Variants in FLT3 observed in about 807,000 individuals in gnomAD.
FLT3 encodes the protein receptor-type tyrosine-protein kinase FLT3.
A neutral mutation model predicts 126.6 loss-of-function variants in FLT3; 46 were observed. The ratio of observed to expected loss-of-function variants is 0.36; its 90% CI spans 0.29 to 0.46. The LOEUF (loss-of-function observed/expected upper bound fraction) is 0.46, where lower values mean the gene tolerates loss of function less well. Among genes scored for constraint, FLT3 ranks in the 20% least tolerant of loss-of-function variants. FLT3 has a pLI of 1.00. For synonymous variants in FLT3, 404 were observed against 434.4 expected (o/e 0.93, Z 0.87); for missense variants, 1,069 against 1,190.3 (o/e 0.90, Z 1.50).
At position 28,061,513 on chromosome 13, in the gene FLT3, C is replaced by A. The variant is rs368280555; in HGVS notation, c.368+354G>T. ...AGGCGCAGTGACTCACACCTGTAAT[C>A]CCGGTACTTTTGAAGGCTGAGGTGG... On this transcript the variant is annotated intron_variant, in intron 3 of 23. Coordinates refer to ENST00000241453, the MANE Select transcript of FLT3 (RefSeq NM_004119.3). Among the ~76,000 whole-genome samples, 143 of 152,156 alleles carry A rather than the reference C, an allele frequency of 9.4e-4. 6 individuals carry two copies. The South Asian group carries it at 0.029, about 31-fold the overall frequency.
At chr13:28,067,285 A>G (rs1477519537) in intron 2 of FLT3, among the ~76,000 whole-genome samples, 1 of 152,180 alleles carries the variant, frequency 6.6e-6, no homozygotes, top group Non-Finnish European at 1.5e-5. Flanking sequence ...GGCCTCCCAA[A>G]ATGCTGGGAT....
intron 9 of FLT3, among the ~76,000 whole-genome samples, chr13:28,041,831 G>C (rs1346813604): frequency 6.6e-6 from 1 of 152,162 alleles, no homozygotes; most frequent in African/African-American, 2.4e-5. Context: ...CGGTGTCTAA[G>C]AAGATGCGTT....
intron 23 of FLT3, among the ~76,000 whole-genome samples, chr13:28,010,599 C>T (rs1871268970): frequency 6.6e-6 from 1 of 152,210 alleles, no homozygotes. Context: ...GATCTAATCC[C>T]ATTGGTGTTG....
intron 1 of FLT3, among the ~76,000 whole-genome samples, chr13:28,091,686 G>A (rs1021263992): frequency 6.6e-5 from 10 of 152,218 alleles, no homozygotes; most frequent in South Asian, 2.1e-4. Flanking sequence ...TGTAATCTCA[G>A]CACTCTGGGA....
At chr13:28,047,267 T>C (rs1304219402) in intron 9 of FLT3, among the ~76,000 whole-genome samples, 2 of 152,228 alleles carry the variant, frequency 1.3e-5, no homozygotes, top group African/African-American at 2.4e-5. Flanking sequence ...GTTTGAAAGA[T>C]AACATGTGCG....
intron 5 of FLT3, among the ~76,000 whole-genome samples, chr13:28,051,600 A>G (rs1398612855): frequency 7.1e-6 from 1 of 140,718 alleles, no homozygotes; most frequent in Non-Finnish European, 1.5e-5. Flanking sequence ...GCTGGAGTGC[A>G]GTGGCGCGAT....
chr13:28,094,023 C>A (rs539268108), intron 1 of FLT3, among the ~76,000 whole-genome samples: 2 of 152,278 alleles, frequency 1.3e-5, no homozygotes, highest in East Asian at 3.9e-4. Flanking sequence ...TTTCTTTCTG[C>A]AAAACACGTG....
chr13:28,041,930 A>T (rs1449158231), intron 9 of FLT3, among the ~76,000 whole-genome samples: 1 of 152,146 alleles, frequency 6.6e-6, no homozygotes, highest in Admixed American at 6.6e-5. Context: ...AAGGAGGAGG[A>T]TCACTTGAGG....
At chr13:28,080,438 AT>A (rs1450138424) in intron 1 of FLT3, among the ~76,000 whole-genome samples, 1 of 152,226 alleles carries the variant, frequency 6.6e-6, no homozygotes, top group African/African-American at 2.4e-5. Context: ...AGAGCAAAAA[AT>A]ATCCAAACTA....
In FLT3 at chr13:28,034,090, A is replaced by G; in HGVS notation, c.1829T>C (p.Leu610Ser). The change falls in exon 14 of 24, where the codon TTA becomes TCA. Residue 610 changes from leucine to serine, a missense_variant. Coordinates refer to ENST00000241453, the MANE Select transcript of FLT3 (RefSeq NM_004119.3). ...GCACATTCCATTCTTACCAAACTCTAAATTTTCTCTTGGAAACTCCCATTT... is the reference window on the plus strand; with the variant it reads ...GCACATTCCATTCTTACCAAACTCTGAATTTTCTCTTGGAAACTCCCATTT... The part of the protein sequence containing the change: ...DLKWEFPREN[L>S]EFGKVLGSGA... The G allele has an allele frequency of 6.2e-7, 1 of 1,613,582 alleles. No individual in the cohort carries two copies. Among genetic ancestry groups the G allele is most frequent in the Non-Finnish European group, 8.5e-7 (1 of 1,179,880 alleles).
intron 9 of FLT3, among the ~76,000 whole-genome samples, chr13:28,046,607 T>C (rs1038592506): frequency 8.5e-5 from 13 of 152,340 alleles, no homozygotes; most frequent in African/African-American, 3.1e-4. Flanking sequence ...ATTATTATTT[T>C]TTCTTTTTGA....
chr13:28,064,287 G>A (rs1876819325), intron 2 of FLT3, among the ~76,000 whole-genome samples: 2 of 152,172 alleles, frequency 1.3e-5, no homozygotes, highest in Non-Finnish European at 1.5e-5. Flanking sequence ...ATAAAGAATG[G>A]CCCTCAGCCA....
chr13:28,074,752 C>A (rs1036058911), intron 1 of FLT3, among the ~76,000 whole-genome samples: 1 of 152,144 alleles, frequency 6.6e-6, no homozygotes, highest in African/African-American at 2.4e-5. Context: ...GCCATCCCCC[C>A]ACCTTAGCTT....
chr13:28,029,948 T>C (rs1255990648), intron 15 of FLT3, among the ~76,000 whole-genome samples: 1 of 152,196 alleles, frequency 6.6e-6, no homozygotes, highest in Non-Finnish European at 1.5e-5. Context: ...CATGTGCAGT[T>C]GGTCAGGGCA....
At chr13:28,073,352 GA>G (rs35318238) in intron 1 of FLT3, 151,583 of 293,638 alleles carry the variant, frequency 0.52, 30,852 homozygotes, top group Admixed American at 0.62. Context: ...CTCATCTCTG[GA>G]AAAAAAAAAA....
rs1199511967 is a variant in FLT3 at position 28,100,185 on chromosome 13, C to G, written c.43+283G>C. 6.6e-6 allele frequency among the ~76,000 whole-genome samples: 1 copy of G among 151,956 alleles called. No homozygotes were observed. The highest frequency in any genetic ancestry group is 1.9e-4 in the East Asian group (1 of 5,142). ...ACCCGGCGCAGCGCCTCGGCGAGGC[C>G]GTCTGCGAAGTCCGGGCCGCCACTC... On this transcript the variant is annotated intron_variant, in intron 1 of 23. Coordinates refer to ENST00000241453, the MANE Select transcript of FLT3 (RefSeq NM_004119.3). The surrounding 1 kb of genome is among the most constrained non-coding windows in gnomAD (Gnocchi z 4.8).
At chr13:28,061,058 T>C (rs1488797104) in intron 3 of FLT3, among the ~76,000 whole-genome samples, 1 of 152,060 alleles carries the variant, frequency 6.6e-6, no homozygotes, top group Non-Finnish European at 1.5e-5. Flanking sequence ...GAACCAATTT[T>C]AAAGTTCATA....
chr13:28,027,282 A>C (rs1382826798), intron 16 of FLT3, 41 bp from the exon 17 acceptor site: 1 of 1,536,552 alleles, frequency 6.5e-7, no homozygotes, highest in Admixed American at 1.8e-5. Flanking sequence ...TACACAAAGC[A>C]AACTGTTATT....
chr13:28,090,960 G>T (rs968057577), intron 1 of FLT3, among the ~76,000 whole-genome samples: 1 of 152,098 alleles, frequency 6.6e-6, no homozygotes, highest in Non-Finnish European at 1.5e-5. Context: ...ACACTTTGAA[G>T]GGACAGTACT....
Sources: gnomAD v4.1 joint callset for allele counts (sites outside exome capture counted in the v4.1 genomes callset) on GRCh38, gnomAD v4.1.1 for gene constraint, Gnocchi (gnomAD v3.1) non-coding constraint, MANE v1.5 for transcripts, NCBI Gene and HGNC (gene_info 2026-07-23, HGNC 2026-07-21) for gene names.